CRK: variants seen among roughly 807,000 people sequenced by gnomAD.
CRK encodes the protein CRK proto-oncogene, adaptor protein, also known as adapter molecule crk.
Under a neutral mutation model 29.8 loss-of-function variants are expected in CRK, and 4 were observed. That is an observed-to-expected ratio of 0.13 (90% CI 0.07 to 0.31). The LOEUF (loss-of-function observed/expected upper bound fraction) is 0.31, where lower values mean the gene tolerates loss of function less well. CRK is among the 10% of genes least tolerant of loss of function. CRK has a pLI of 1.00. For missense variants in CRK, 274 were observed against 396.5 expected, an observed-to-expected ratio of 0.69 and a Z score of 2.62; for synonymous variants, 153 against 164.9, an observed-to-expected ratio of 0.93 and a Z score of 0.55.
At chr17:1,451,312 C>A (rs1173262258) in intron 1 of CRK, among the ~76,000 whole-genome samples, 1 of 151,752 alleles carries the variant, frequency 6.6e-6, no homozygotes, top group African/African-American at 2.4e-5. Context: ...CTCACTGCAA[C>A]CTCTGCCTCC....
At chr17:1,430,092 T>C (rs1201572899) in intron 2 of CRK, among the ~76,000 whole-genome samples, 2 of 151,718 alleles carry the variant, frequency 1.3e-5, no homozygotes, top group Admixed American at 1.3e-4. Flanking sequence ...TTGCCCAGGC[T>C]GGAGTGCAGT....
At chr17:1,446,393 C>T (rs1337473358) in intron 1 of CRK, among the ~76,000 whole-genome samples, 1 of 152,080 alleles carries the variant, frequency 6.6e-6, no homozygotes, top group African/African-American at 2.4e-5. Flanking sequence ...GTAACCACCC[C>T]CTGCCAGCCA....
intron 2 of CRK, 25 bp from the exon 3 acceptor site, chr17:1,423,675 AC>A (rs781608820): frequency 1.5e-5 from 24 of 1,611,946 alleles, no homozygotes; most frequent in Non-Finnish European, 2.0e-5. Flanking sequence ...TAAGGAGAGC[AC>A]TTTATTTCCA....
At chr17:1,443,998 C>A (rs1420995041) in intron 1 of CRK, among the ~76,000 whole-genome samples, 2 of 151,844 alleles carry the variant, frequency 1.3e-5, no homozygotes, top group Admixed American at 1.3e-4. Flanking sequence ...CCCCGCCTGG[C>A]CTATTTTTTT....
rs1169051537 is a variant in CRK at position 1,423,403 on chromosome 17, C to CTTAT, written c.*106_*109dup. Reference sequence around the variant, plus strand: ...AAAAAATATCACAGGTAACAGAATGCTTATATAAACTAGACTGCTTTTGAC... The same window carrying CTTAT: ...AAAAAATATCACAGGTAACAGAATGCTTATTTATATAAACTAGACTGCTTTTGAC... On this transcript the variant is annotated 3_prime_UTR_variant, in exon 3 of 3. Transcript: ENST00000300574. 2.3e-6 allele frequency: 3 copies of CTTAT among 1,324,844 alleles called. No individual in the cohort carries two copies. The highest frequency in any genetic ancestry group is 3.8e-4 in the Middle Eastern group (2 of 5,232). The allele number at this position is 1,324,844 out of a possible 1,614,324, so 82.1% of individuals were successfully genotyped here.
intron 2 of CRK, among the ~76,000 whole-genome samples, chr17:1,433,072 G>C (rs55812262): frequency 0.4 from 60,883 of 152,000 alleles, 12,870 homozygotes; most frequent in South Asian, 0.51. Context: ...GCTCTGTGTC[G>C]TTTTCAAGGC....
intron 1 of CRK, among the ~76,000 whole-genome samples, chr17:1,444,719 G>C (rs2073961263): frequency 6.6e-6 from 1 of 151,618 alleles, no homozygotes. Context: ...TGTAATCCCA[G>C]CTACTTGGGA....
intron 2 of CRK, among the ~76,000 whole-genome samples, chr17:1,425,347 C>T (rs1040669113): frequency 2.0e-5 from 3 of 152,098 alleles, no homozygotes; most frequent in Non-Finnish European, 2.9e-5. Flanking sequence ...CCGCCTCGGC[C>T]TCCCAAAGTG....
intron 1 of CRK, among the ~76,000 whole-genome samples, chr17:1,446,209 G>C (rs77143092): frequency 1.3e-5 from 2 of 152,116 alleles, no homozygotes; most frequent in East Asian, 1.9e-4. Context: ...AGGAGAAAGC[G>C]GCACGTCTTA....
At chr17:1,431,445 G>C (rs374973790) in intron 2 of CRK, among the ~76,000 whole-genome samples, 2 of 152,116 alleles carry the variant, frequency 1.3e-5, no homozygotes, top group African/African-American at 4.8e-5. Context: ...GTATCATACC[G>C]GGGCGGTGGC....
chr17:1,431,043 G>T (rs2073840449), intron 2 of CRK, among the ~76,000 whole-genome samples: 1 of 151,360 alleles, frequency 6.6e-6, no homozygotes, highest in Non-Finnish European at 1.5e-5. Context: ...CTCCAGCCTG[G>T]GCGACAGAGT....
Position 1,422,915 on chromosome 17 carries a change from AAAAG to A in CRK, c.*594_*597del. On this transcript the variant is annotated 3_prime_UTR_variant, in exon 3 of 3. Transcript: ENST00000300574. Reference sequence around the variant, plus strand: ...TTGGGGGACAAGAATGTCAAGGGCTAAAAGAATCCCAAGAAAAAGTATGAAGCAT... The same window carrying A: ...TTGGGGGACAAGAATGTCAAGGGCTAAATCCCAAGAAAAAGTATGAAGCAT... 1 of 399,076 alleles carries A rather than the reference AAAAG, an allele frequency of 2.5e-6. No homozygotes were observed. The highest frequency in any genetic ancestry group is 4.4e-6 in the Non-Finnish European group (1 of 226,128). The allele number at this position is 399,076 out of a possible 1,614,324, so 24.7% of individuals were successfully genotyped here.
chr17:1,453,452 A>AC (rs760559529), intron 1 of CRK, among the ~76,000 whole-genome samples: 85 of 152,274 alleles, frequency 5.6e-4, no homozygotes, highest in Non-Finnish European at 1.1e-3. Context: ...ATAATGCAAA[A>AC]CCCCAGATAC....
chr17:1,442,984 CTTT>C (rs34493870), intron 1 of CRK, among the ~76,000 whole-genome samples: 3 of 140,106 alleles, frequency 2.1e-5, no homozygotes, highest in Non-Finnish European at 4.6e-5. Context: ...CCCTTTCTTT[CTTT>C]TTTTTTTTTG....
chr17:1,431,885 G>A (rs2073847807), intron 2 of CRK, among the ~76,000 whole-genome samples: 1 of 152,202 alleles, frequency 6.6e-6, no homozygotes, highest in Non-Finnish European at 1.5e-5. Flanking sequence ...ATCAGTGAAT[G>A]TAGTAATAAC....
chr17:1,440,789 A>G (rs2073929290), intron 1 of CRK, among the ~76,000 whole-genome samples: 1 of 152,220 alleles, frequency 6.6e-6, no homozygotes, highest in Admixed American at 6.5e-5. Flanking sequence ...TGTTAGTCCC[A>G]GCTTCTCGAG....
chr17:1,449,957 G>A (rs1477490239), intron 1 of CRK, among the ~76,000 whole-genome samples: 1 of 152,184 alleles, frequency 6.6e-6, no homozygotes, highest in African/African-American at 2.4e-5. Context: ...CTAACACTTT[G>A]GGAGGTCAAG....
chr17:1,435,903 G>C (rs985490853), intron 2 of CRK, among the ~76,000 whole-genome samples: 2 of 152,160 alleles, frequency 1.3e-5, no homozygotes, highest in Admixed American at 6.6e-5. Flanking sequence ...AGAAAGGAAG[G>C]AGGTAGGAGA....
chr17:1,430,074 C>G (rs1471814588), intron 2 of CRK, among the ~76,000 whole-genome samples: 1 of 148,630 alleles, frequency 6.7e-6, no homozygotes, highest in Non-Finnish European at 1.5e-5. Flanking sequence ...GACAGAGTTT[C>G]GCTTTTGTTG....
Sources: allele counts gnomAD v4.1 joint callset (sites outside exome capture counted in the v4.1 genomes callset), GRCh38; gene constraint gnomAD v4.1.1; transcripts MANE v1.5; gene names NCBI Gene and HGNC (gene_info 2026-07-23, HGNC 2026-07-21).